CDH13: variants seen among roughly 807,000 people sequenced by gnomAD.
CDH13 encodes cadherin 13, also known as cadherin-13.
CDH13 carries 24 observed loss-of-function variants against 63.8 expected under a neutral mutation model. That is an observed-to-expected ratio of 0.38 (90% CI 0.27 to 0.53). The LOEUF (loss-of-function observed/expected upper bound fraction) is 0.53. CDH13 is among the 20% of genes least tolerant of loss of function. The pLI is 0.85. For synonymous variants in CDH13, 503 were observed against 355.3 expected (o/e 1.42, Z -4.67); for missense variants, 1,049 against 903.1 (o/e 1.16, Z -2.07).
rs77293096 is a variant in CDH13 at position 83,478,388 on chromosome 16, G to A, written c.782-8089G>A. On this transcript the variant is annotated intron_variant, in intron 6 of 13. Coordinates refer to ENST00000567109, the MANE Select transcript of CDH13 (RefSeq NM_001257.5). ...CTTCTCACTCCTGGCCCAGCTCCCAGTCTGACCACAGAGAGTCCCACCTTT... is the reference window on the plus strand; with the variant it reads ...CTTCTCACTCCTGGCCCAGCTCCCAATCTGACCACAGAGAGTCCCACCTTT... Among the ~76,000 whole-genome samples the A allele has an allele frequency of 3.2e-3, 493 of 152,256 alleles. 2 individuals carry two copies. The highest frequency in any genetic ancestry group is 0.011 in the African/African-American group (461 of 41,552).
chr16:83,171,472 T>G (rs1356917357), intron 4 of CDH13: 4 of 1,422,726 alleles, frequency 2.8e-6, no homozygotes, highest in Non-Finnish European at 3.8e-6. Flanking sequence ...TCTAATTAGG[T>G]TACTCATTCT....
intron 4 of CDH13, chr16:83,181,086 T>C: frequency 1.5e-6 from 2 of 1,297,328 alleles, no homozygotes; most frequent in Non-Finnish European, 2.1e-6. Context: ...AATTGTCCTG[T>C]TGACTGAATT....
Position 82,955,358 on chromosome 16 carries a change from A to G in CDH13, c.158-76652A>G, listed in dbSNP as rs16958941. On this transcript the variant is annotated intron_variant, in intron 2 of 13. Coordinates refer to ENST00000567109, the MANE Select transcript of CDH13 (RefSeq NM_001257.5). Reference sequence around the variant, plus strand: ...CATTCAAGAAGGATGTTATCGGTACATGATCAGAGTTGAGTAGGTTCTGGA... The same window carrying G: ...CATTCAAGAAGGATGTTATCGGTACGTGATCAGAGTTGAGTAGGTTCTGGA... Among the ~76,000 whole-genome samples, 826 of 152,340 alleles carry G rather than the reference A, an allele frequency of 5.4e-3. 7 individuals carry two copies. The highest frequency in any genetic ancestry group is 0.019 in the African/African-American group (788 of 41,590).
intron 8 of CDH13, among the ~76,000 whole-genome samples, chr16:83,637,095 T>C (rs1034878218): frequency 6.6e-6 from 1 of 152,234 alleles, no homozygotes; most frequent in Non-Finnish European, 1.5e-5. Flanking sequence ...TTGCCCTCTT[T>C]TTAATGGTTA....
intron 8 of CDH13, among the ~76,000 whole-genome samples, chr16:83,661,469 C>T (rs896574643): frequency 2.1e-5 from 3 of 145,026 alleles, no homozygotes; most frequent in Admixed American, 1.4e-4. Context: ...GGTGACAGAG[C>T]GAGACCCTGT....
chr16:83,041,141 A>G (rs1917297741), intron 3 of CDH13, among the ~76,000 whole-genome samples: 1 of 152,196 alleles, frequency 6.6e-6, no homozygotes. Context: ...GGAAGTCAAT[A>G]CAAGTTGCCT....
At chr16:82,652,414 T>C (rs1029485216) in intron 1 of CDH13, among the ~76,000 whole-genome samples, 10 of 152,210 alleles carry the variant, frequency 6.6e-5, no homozygotes, top group African/African-American at 2.2e-4. Flanking sequence ...ATATCTTCTA[T>C]CCTGATTGAT....
chr16:82,713,313 A>G (rs2032100297), intron 1 of CDH13, among the ~76,000 whole-genome samples: 2 of 152,282 alleles, frequency 1.3e-5, no homozygotes, highest in South Asian at 4.2e-4. Flanking sequence ...ACACACTGGT[A>G]TCTAAGAACC....
rs1181420231 is a variant in CDH13, at chr16:83,291,751, C to T, written c.637-53111C>T. On this transcript the variant is annotated intron_variant, in intron 5 of 13. Coordinates refer to ENST00000567109, the MANE Select transcript of CDH13 (RefSeq NM_001257.5). ...TTAATTCAACTCCAGCTTGCTTTGA[C>T]CTGAATTTATGCCAACTGGGACTTT... Among the ~76,000 whole-genome samples the T allele has an allele frequency of 2.0e-5, 3 of 152,126 alleles. No homozygotes were observed. In the East Asian group the frequency reaches 5.8e-4, roughly 29 times the overall value.
chr16:83,114,648 T>C (rs1294639914), intron 3 of CDH13, among the ~76,000 whole-genome samples: 1 of 152,158 alleles, frequency 6.6e-6, no homozygotes, highest in Non-Finnish European at 1.5e-5. Flanking sequence ...CTCTAGAATA[T>C]TGGGAAAATA....
At chr16:83,049,121 A>G (rs1229989657) in intron 3 of CDH13, among the ~76,000 whole-genome samples, 2 of 152,138 alleles carry the variant, frequency 1.3e-5, no homozygotes, top group African/African-American at 4.8e-5. Context: ...ATAACATAAA[A>G]TTAAGCAAGC....
chr16:83,293,939 C>A (rs1218226905), intron 5 of CDH13, among the ~76,000 whole-genome samples: 3 of 152,084 alleles, frequency 2.0e-5, no homozygotes, highest in African/African-American at 7.2e-5. Flanking sequence ...CCCATGATAA[C>A]TTTTCATACA....
intron 5 of CDH13, among the ~76,000 whole-genome samples, chr16:83,261,643 T>G (rs1423617435): frequency 6.6e-6 from 1 of 151,798 alleles, no homozygotes; most frequent in Non-Finnish European, 1.5e-5. Context: ...ATGTCACTAG[T>G]GCCAAAGCTG....
At chr16:82,855,703 C>G (rs2039654308) in intron 1 of CDH13, among the ~76,000 whole-genome samples, 1 of 152,138 alleles carries the variant, frequency 6.6e-6, no homozygotes, top group Admixed American at 6.5e-5. Flanking sequence ...CGTACAGATG[C>G]CAGACCACAG....
At chr16:83,126,115 G>A (rs997111654) in intron 4 of CDH13, among the ~76,000 whole-genome samples, 1 of 152,214 alleles carries the variant, frequency 6.6e-6, no homozygotes, top group African/African-American at 2.4e-5. Flanking sequence ...ATTTTGAGCA[G>A]TTTGTACTTT....
rs80267734 is a variant in CDH13 at position 83,382,419 on chromosome 16, G to A, written c.781+37413G>A. Among the ~76,000 whole-genome samples the A allele has an allele frequency of 7.4e-3, 1,129 of 152,212 alleles. 9 individuals are homozygous for A. The highest frequency in any genetic ancestry group is 0.011 in the Non-Finnish European group (769 of 68,014). On this transcript the variant is annotated intron_variant, in intron 6 of 13. Coordinates refer to ENST00000567109, the MANE Select transcript of CDH13 (RefSeq NM_001257.5). ...AGAAAAGTTGCACGAACAGAACAAA[G>A]AACTTCCATACCCCCTCATGCTGAT...
chr16:82,661,972 A>G (rs1030432753), intron 1 of CDH13, among the ~76,000 whole-genome samples: 7 of 152,240 alleles, frequency 4.6e-5, no homozygotes, highest in African/African-American at 1.2e-4. Context: ...CAGTGTCTTG[A>G]TCACAGGAGA....
intron 3 of CDH13, among the ~76,000 whole-genome samples, chr16:83,052,251 A>G (rs1260051696): frequency 6.6e-6 from 1 of 152,170 alleles, no homozygotes; most frequent in African/African-American, 2.4e-5. Context: ...TAAAACTTCA[A>G]GGTTTTTGAA....
intron 7 of CDH13, among the ~76,000 whole-genome samples, chr16:83,527,988 G>A (rs1440112378): frequency 2.0e-5 from 3 of 152,160 alleles, no homozygotes; most frequent in Admixed American, 6.5e-5. Flanking sequence ...CTTTCTAAGG[G>A]CACGCAGGGA....
Sources: allele counts gnomAD v4.1 joint callset (sites outside exome capture counted in the v4.1 genomes callset), GRCh38; gene constraint gnomAD v4.1.1; transcripts MANE v1.5; gene names NCBI Gene and HGNC (gene_info 2026-07-23, HGNC 2026-07-21).